The following WNT7B variants were observed in gnomAD, a reference collection of about 807,000 sequenced individuals.
WNT7B encodes protein Wnt-7b.
Under a neutral mutation model 38.2 loss-of-function variants are expected in WNT7B, and 19 were observed. That is an observed-to-expected ratio of 0.50 (90% CI 0.35 to 0.73). The LOEUF (loss-of-function observed/expected upper bound fraction) is 0.73, where lower values mean the gene tolerates loss of function less well. Among genes scored for constraint, WNT7B ranks in the 30% least tolerant of loss-of-function variants. WNT7B has a pLI of 0.01. For synonymous variants in WNT7B, 243 were observed against 209.3 expected, an observed-to-expected ratio of 1.16 and a Z score of -1.39; for missense variants, 423 against 507.9, an observed-to-expected ratio of 0.83 and a Z score of 1.61.
chr22:45,936,235 A>G (rs1569114431), intron 2 of WNT7B: 5 of 940,682 alleles, frequency 5.3e-6, no homozygotes, highest in Non-Finnish European at 6.3e-6. Context: ...CATTTGATAC[A>G]TGGAACTCAA....
Position 45,977,075 on chromosome 22 carries a change from C to T in WNT7B, c.-321G>A. On this transcript the variant is annotated 5_prime_UTR_variant, in exon 1 of 4. The change creates a new upstream start codon in the 5' untranslated region. Coordinates refer to ENST00000339464, the MANE Select transcript of WNT7B (RefSeq NM_058238.3). Reference sequence around the variant, plus strand: ...GGCTGGCGGGCGGGTGCAGCCTGCACTAGGCGCAGCCGCCTGAGGCCGTGA... The same window carrying T: ...GGCTGGCGGGCGGGTGCAGCCTGCATTAGGCGCAGCCGCCTGAGGCCGTGA... The T allele has an allele frequency of 4.2e-6, 4 of 952,844 alleles. No individual in the cohort carries two copies. The highest frequency in any genetic ancestry group is 5.0e-6 in the Non-Finnish European group (4 of 800,666). 59.0% of individuals were successfully genotyped at this position (952,844 alleles called of 1,614,324 possible).
intron 3 of WNT7B, chr22:45,925,916 T>C (rs1931068215): frequency 1.0e-6 from 1 of 985,158 alleles, no homozygotes; most frequent in Non-Finnish European, 1.2e-6. Context: ...CCTCTAGTGC[T>C]CCTGCTGTGG....
chr22:45,949,875 C>T, intron 2 of WNT7B, 45 bp downstream of exon 2: 1 of 1,573,018 alleles, frequency 6.4e-7, no homozygotes, highest in Non-Finnish European at 8.7e-7. Flanking sequence ...GCCTACTGCC[C>T]CTGGCCACAA....
chr22:45,931,625 C>T (rs2146713905), intron 2 of WNT7B, among the ~76,000 whole-genome samples: 1 of 135,792 alleles, frequency 7.4e-6, no homozygotes, highest in Middle Eastern at 3.9e-3. Flanking sequence ...CAGCAGGCCC[C>T]AGTGCACCCT....
chr22:45,929,369 C>T (rs1245641737), intron 3 of WNT7B, among the ~76,000 whole-genome samples: 1 of 151,416 alleles, frequency 6.6e-6, no homozygotes, highest in Non-Finnish European at 1.5e-5. Flanking sequence ...TCCATCTATT[C>T]ACCCATCCAC....
At position 45,973,563 on chromosome 22, in the gene WNT7B, A is replaced by G. The variant is rs564250930; in HGVS notation, c.71+3121T>C. ...ACAGGCTTTCGGCAGGGCTGGTCCT[A>G]GAACTGCAGCGACTCCAGTTCCAGT... is the stretch of plus-strand genomic sequence containing the variant. On this transcript the variant is annotated intron_variant, in intron 1 of 3. Coordinates refer to ENST00000339464, the MANE Select transcript of WNT7B (RefSeq NM_058238.3). Among the ~76,000 whole-genome samples the G allele has an allele frequency of 3.6e-4, 55 of 152,290 alleles. 1 individual carries two copies. In the South Asian group the frequency reaches 0.011, roughly 30 times the overall value.
intron 1 of WNT7B, chr22:45,972,401 G>A (rs1028279510): frequency 6.0e-5 from 17 of 285,678 alleles, no homozygotes; most frequent in African/African-American, 2.7e-4. Context: ...GTGCCCCGCC[G>A]CTAGGGCCGC....
intron 2 of WNT7B, among the ~76,000 whole-genome samples, chr22:45,944,875 C>A (rs1416058316): frequency 1.3e-5 from 2 of 152,178 alleles, no homozygotes; most frequent in Non-Finnish European, 2.9e-5. Flanking sequence ...CTCAGACTGC[C>A]CCACCCCACA....
intron 3 of WNT7B, among the ~76,000 whole-genome samples, chr22:45,928,233 A>G (rs1417181724): frequency 1.3e-5 from 2 of 151,852 alleles, no homozygotes; most frequent in East Asian, 3.9e-4. Flanking sequence ...CAGGCCTGGT[A>G]CTCTGTGATG....
At chr22:45,933,184 C>A (rs1933112069) in intron 2 of WNT7B, among the ~76,000 whole-genome samples, 1 of 152,146 alleles carries the variant, frequency 6.6e-6, no homozygotes, top group African/African-American at 2.4e-5. Context: ...TGGAGGGAGC[C>A]ACAGCTTCCC....
intron 3 of WNT7B, chr22:45,926,515 G>A: frequency 1.0e-6 from 1 of 985,460 alleles, no homozygotes; most frequent in Non-Finnish European, 1.2e-6. Flanking sequence ...GAGTCATGGG[G>A]TTGGTGGACT....
At chr22:45,958,687 C>T (rs375871497) in intron 1 of WNT7B, among the ~76,000 whole-genome samples, 5 of 152,320 alleles carry the variant, frequency 3.3e-5, no homozygotes, top group Non-Finnish European at 5.9e-5. Flanking sequence ...GGAGCGAGCA[C>T]GGCTGGAACC....
In WNT7B at chr22:45,961,163, G is replaced by C. The variant is rs1430391895; in HGVS notation, c.72-11017C>G. On this transcript the variant is annotated intron_variant, in intron 1 of 3. Coordinates refer to ENST00000339464, the MANE Select transcript of WNT7B (RefSeq NM_058238.3). Reference sequence around the variant, plus strand: ...CCAGAGCTGGGCGCGCCGGTGAGAAGGAACCAGAGAGAATGAATAACAGGT... The same window carrying C: ...CCAGAGCTGGGCGCGCCGGTGAGAACGAACCAGAGAGAATGAATAACAGGT... 2.6e-5 allele frequency among the ~76,000 whole-genome samples: 4 copies of C among 152,372 alleles called. No individual in the cohort carries two copies. The East Asian group carries it at 7.7e-4, about 29-fold the overall frequency.
intron 2 of WNT7B, among the ~76,000 whole-genome samples, chr22:45,932,448 T>C (rs74361672): frequency 0.013 from 1,957 of 151,696 alleles, 42 homozygotes; most frequent in African/African-American, 0.045. Context: ...ACTTGGTACC[T>C]GACCCTTCAG....
chr22:45,930,280 G>A (rs1390648456), intron 3 of WNT7B, among the ~76,000 whole-genome samples: 2 of 152,380 alleles, frequency 1.3e-5, no homozygotes, highest in East Asian at 1.9e-4. Context: ...CCTCAGCTAT[G>A]GTCCCTGGGC....
At chr22:45,930,730 G>T (rs28433499) in intron 3 of WNT7B, among the ~76,000 whole-genome samples, 61,648 of 152,010 alleles carry the variant, frequency 0.41, 13,081 homozygotes, top group African/African-American at 0.53. Context: ...GGTGTGCCGA[G>T]GTGACCTCCG....
In WNT7B at chr22:45,943,349, G is replaced by A. The variant is rs149472826; in HGVS notation, c.298+6571C>T. Among the ~76,000 whole-genome samples the A allele has an allele frequency of 4.4e-3, 671 of 152,364 alleles. 5 individuals carry two copies. The highest frequency in any genetic ancestry group is 0.014 in the African/African-American group (584 of 41,592). On this transcript the variant is annotated intron_variant, in intron 2 of 3. Transcript: ENST00000339464. ...GCCAGGTCCAAACACGCCGGCGCCC[G>A]TGCGCCCGAGGCCTTTGTTCCGACC...
At chr22:45,960,905 T>G (rs914760866) in intron 1 of WNT7B, among the ~76,000 whole-genome samples, 1 of 152,154 alleles carries the variant, frequency 6.6e-6, no homozygotes, top group African/African-American at 2.4e-5. Flanking sequence ...TGGGGCTGAG[T>G]ATGGGGCAGG....
At chr22:45,943,570 G>A (rs1931721654) in intron 2 of WNT7B, among the ~76,000 whole-genome samples, 1 of 152,230 alleles carries the variant, frequency 6.6e-6, no homozygotes, top group Non-Finnish European at 1.5e-5. Context: ...CCTGTGTGAG[G>A]TGGCACAGAG....
Sources: gnomAD v4.1 joint callset for allele counts (sites outside exome capture counted in the v4.1 genomes callset) on GRCh38, gnomAD v4.1.1 for gene constraint, MANE v1.5 for transcripts, NCBI Gene and HGNC (gene_info 2026-07-23, HGNC 2026-07-21) for gene names.